Variants in LCOR observed in about 807,000 individuals in gnomAD.
LCOR encodes the protein ligand-dependent corepressor.
A neutral mutation model predicts 64.4 loss-of-function variants in LCOR; 14 were observed. The ratio of observed to expected loss-of-function variants is 0.22; its 90% CI spans 0.14 to 0.34. The LOEUF is 0.34. LCOR is among the 10% of genes least tolerant of loss of function. The pLI is 1.00. For missense variants in LCOR, 1,686 were observed against 1,765.3 expected (o/e 0.96, Z 0.80); for synonymous variants, 643 against 642.5 (o/e 1.00, Z -0.01).
intron 4 of LCOR, among the ~76,000 whole-genome samples, chr10:96,922,257 T>G (rs1208947368): frequency 6.6e-6 from 1 of 152,242 alleles, no homozygotes; most frequent in Admixed American, 6.5e-5. Flanking sequence ...ATATATTTCG[T>G]TCTTCCTACA....
At chr10:96,953,871 T>A (rs939829060) in intron 7 of LCOR, among the ~76,000 whole-genome samples, 2 of 152,240 alleles carry the variant, frequency 1.3e-5, no homozygotes, top group Non-Finnish European at 2.9e-5. Context: ...GGTTTATCAT[T>A]TCTGCAAAGC....
chr10:96,971,541 T>TA (rs1478143317), intron 7 of LCOR, among the ~76,000 whole-genome samples: 2 of 152,092 alleles, frequency 1.3e-5, no homozygotes, highest in African/African-American at 4.8e-5. Flanking sequence ...TAACAAAAGA[T>TA]ACAAGCAGAC....
intron 7 of LCOR, chr10:96,958,682 A>T: frequency 2.3e-6 from 1 of 436,900 alleles, no homozygotes; most frequent in Non-Finnish European, 4.1e-6. Context: ...TCATGACTTG[A>T]TATTCAGGTA....
intron 7 of LCOR, chr10:96,955,362 T>A (rs1269998104): frequency 6.2e-7 from 1 of 1,614,076 alleles, no homozygotes; most frequent in Admixed American, 1.7e-5. Context: ...TGTGAGCCAT[T>A]CATCTCCTGT....
chr10:96,976,845 C>G (rs1487922123), intron 7 of LCOR, among the ~76,000 whole-genome samples: 1 of 152,204 alleles, frequency 6.6e-6, no homozygotes, highest in Non-Finnish European at 1.5e-5. Flanking sequence ...GCTTCCAGAA[C>G]CCAGCTATAG....
intron 4 of LCOR, among the ~76,000 whole-genome samples, chr10:96,943,333 G>A (rs1847530318): frequency 1.3e-5 from 2 of 152,200 alleles, no homozygotes; most frequent in South Asian, 4.1e-4. Flanking sequence ...CTCACCTCAA[G>A]TGATCCGCCC....
intron 4 of LCOR, among the ~76,000 whole-genome samples, chr10:96,923,852 G>T (rs1340171627): frequency 6.6e-6 from 1 of 152,084 alleles, no homozygotes; most frequent in Non-Finnish European, 1.5e-5. Flanking sequence ...TAGCCCACAG[G>T]CTGTTTTTAT....
chr10:96,854,924 C>T (rs766411008), intron 2 of LCOR, among the ~76,000 whole-genome samples: 1 of 152,166 alleles, frequency 6.6e-6, no homozygotes, highest in Non-Finnish European at 1.5e-5. Context: ...TTTTATCATA[C>T]CTTTCCTACT....
At chr10:96,840,480 G>A (rs1053865675) in intron 2 of LCOR, among the ~76,000 whole-genome samples, 2 of 152,146 alleles carry the variant, frequency 1.3e-5, no homozygotes, top group African/African-American at 2.4e-5. Flanking sequence ...AGCAGGATAC[G>A]TCAGGGTTTG....
chr10:96,885,114 T>G (rs1846321070), intron 2 of LCOR, among the ~76,000 whole-genome samples: 1 of 152,334 alleles, frequency 6.6e-6, no homozygotes, highest in South Asian at 2.1e-4. Flanking sequence ...GTAAATCTAT[T>G]TATAGACCTT....
chr10:96,832,743 C>A (rs1045205671), intron 1 of LCOR, among the ~76,000 whole-genome samples: 2 of 150,742 alleles, frequency 1.3e-5, no homozygotes, highest in Non-Finnish European at 1.5e-5. Context: ...CCCGGCGCCC[C>A]GGCGCCGCCG....
At chr10:96,891,283 G>A (rs1012564843) in intron 2 of LCOR, among the ~76,000 whole-genome samples, 6 of 151,744 alleles carry the variant, frequency 4.0e-5, no homozygotes, top group Non-Finnish European at 8.8e-5. Flanking sequence ...TATCTAATTT[G>A]TTGGCATACA....
chr10:96,946,921 TTATG>T lies in LCOR; in HGVS notation c.-50-2083_-50-2080del, dbSNP rs370710521. Among the ~76,000 whole-genome samples, 24 of 152,196 alleles carry T rather than the reference TTATG, an allele frequency of 1.6e-4. No homozygotes were observed. The South Asian group carries it at 5.0e-3, about 32-fold the overall frequency. On this transcript the variant is annotated intron_variant, in intron 5 of 7. Transcript: ENST00000421806. ...TTTACTTTTTATATGGAAATTTCCTTTATGTATTACATATTCTCCCAACTATATT... is the reference window on the plus strand; with the variant it reads ...TTTACTTTTTATATGGAAATTTCCTTTATTACATATTCTCCCAACTATATT...
intron 4 of LCOR, among the ~76,000 whole-genome samples, chr10:96,929,076 C>T (rs964525631): frequency 1.3e-5 from 2 of 152,182 alleles, no homozygotes; most frequent in African/African-American, 2.4e-5. Flanking sequence ...GTAGAGTTAG[C>T]ATAATTCTTA....
chr10:96,908,102 C>G (rs1846761507), intron 4 of LCOR: 1 of 152,142 alleles, frequency 6.6e-6, no homozygotes, highest in South Asian at 2.1e-4. Context: ...TCAAGCGATT[C>G]TCCTGCCTCA....
chr10:96,883,393 A>G (rs1846294558), intron 2 of LCOR, among the ~76,000 whole-genome samples: 1 of 152,172 alleles, frequency 6.6e-6, no homozygotes, highest in Non-Finnish European at 1.5e-5. Flanking sequence ...AAGAAGTGCA[A>G]TTGCTGTATC....
chr10:96,892,564 CTT>C (rs1846464446), intron 2 of LCOR, among the ~76,000 whole-genome samples: 1 of 152,044 alleles, frequency 6.6e-6, no homozygotes, highest in Non-Finnish European at 1.5e-5. Flanking sequence ...CTTGGTGCCT[CTT>C]TTATAAGGGC....
intron 6 of LCOR, among the ~76,000 whole-genome samples, chr10:96,949,651 T>C (rs1391557339): frequency 6.6e-6 from 1 of 152,218 alleles, no homozygotes; most frequent in Non-Finnish European, 1.5e-5. Context: ...ACTAAAAATT[T>C]TCTAGGACTA....
At chr10:96,854,191 G>A (rs1845766374) in intron 2 of LCOR, among the ~76,000 whole-genome samples, 1 of 152,060 alleles carries the variant, frequency 6.6e-6, no homozygotes, top group Non-Finnish European at 1.5e-5. Flanking sequence ...TTGACTAAAT[G>A]AATATCTTAC....
Sources: gnomAD v4.1 joint callset for allele counts (sites outside exome capture counted in the v4.1 genomes callset) on GRCh38, gnomAD v4.1.1 for gene constraint, MANE v1.5 for transcripts, NCBI Gene and HGNC (gene_info 2026-07-23, HGNC 2026-07-21) for gene names.